Variants in PDZRN4 observed in about 807,000 individuals in gnomAD.
PDZRN4 encodes PDZ domain-containing RING finger protein 4.
A neutral mutation model predicts 99.0 loss-of-function variants in PDZRN4; 70 were observed. The ratio of observed to expected loss-of-function variants is 0.71; its 90% CI spans 0.58 to 0.86. The LOEUF (loss-of-function observed/expected upper bound fraction) is 0.86, where lower values mean the gene tolerates loss of function less well. Among genes scored for constraint, PDZRN4 ranks in the 40% least tolerant of loss-of-function variants. The pLI is 0.00. For missense variants in PDZRN4, 1,474 were observed against 1,331.2 expected, an observed-to-expected ratio of 1.11 and a Z score of -1.67; for synonymous variants, 551 against 501.6, an observed-to-expected ratio of 1.10 and a Z score of -1.32.
At chr12:41,352,436 A>T (rs1424374594) in intron 3 of PDZRN4, among the ~76,000 whole-genome samples, 1 of 152,234 alleles carries the variant, frequency 6.6e-6, no homozygotes, top group Non-Finnish European at 1.5e-5. Flanking sequence ...TCTACTCAGG[A>T]TAAGATACCT....
intron 5 of PDZRN4, among the ~76,000 whole-genome samples, chr12:41,534,714 C>T (rs999856642): frequency 2.0e-5 from 3 of 152,018 alleles, no homozygotes; most frequent in African/African-American, 7.2e-5. Context: ...AAGATCTTTT[C>T]CCTAGGTATA....
intron 3 of PDZRN4, among the ~76,000 whole-genome samples, chr12:41,243,996 G>A (rs1393266457): frequency 2.0e-5 from 3 of 152,138 alleles, no homozygotes; most frequent in Non-Finnish European, 1.5e-5. Context: ...CCAGATCCAA[G>A]GCTGGAGGAG....
At chr12:41,552,116 A>G (rs1057446683) in intron 5 of PDZRN4, among the ~76,000 whole-genome samples, 7 of 152,236 alleles carry the variant, frequency 4.6e-5, no homozygotes, top group Non-Finnish European at 7.3e-5. Context: ...CTACAAAATA[A>G]TAGAAAACCT....
chr12:41,198,618 G>A (rs1014303450), intron 3 of PDZRN4, among the ~76,000 whole-genome samples: 91 of 127,094 alleles, frequency 7.2e-4, no homozygotes, highest in Admixed American at 2.9e-3. Context: ...TGTGGGGTGG[G>A]GGGAGGGGGG....
intron 3 of PDZRN4, among the ~76,000 whole-genome samples, chr12:41,316,174 T>C (rs2120961579): frequency 6.6e-6 from 1 of 152,262 alleles, no homozygotes. Flanking sequence ...CTGATATTCG[T>C]ACCTAGTGAT....
chr12:41,460,133 TG>T, intron 3 of PDZRN4: 1 of 1,182,730 alleles, frequency 8.5e-7, no homozygotes, highest in South Asian at 1.4e-5. Context: ...GCCTACCACA[TG>T]TTTTTACTGT....
chr12:41,378,117 A>G (rs1952094999), intron 3 of PDZRN4, among the ~76,000 whole-genome samples: 1 of 152,156 alleles, frequency 6.6e-6, no homozygotes, highest in South Asian at 2.1e-4. Flanking sequence ...TGGACTTATC[A>G]TCTATGACCA....
At chr12:41,201,092 T>C (rs1410270828) in intron 3 of PDZRN4, among the ~76,000 whole-genome samples, 1 of 152,040 alleles carries the variant, frequency 6.6e-6, no homozygotes, top group Non-Finnish European at 1.5e-5. Context: ...GCATTATATT[T>C]TCAATTGGTT....
In PDZRN4 at chr12:41,563,604, T is replaced by A; in HGVS notation, c.1422T>A (p.Asp474Glu). Residue 474 changes from aspartate (D) to glutamate (E), a missense_variant, in exon 8 of 10, where the codon GAT becomes GAA. Coordinates refer to ENST00000402685, the MANE Select transcript of PDZRN4 (RefSeq NM_001164595.2). ...AAGCAGTGGCCTTGCTGTCTAACGA[T>A]GAGTGTAAGAGAATCGTGCTGCTTG... ...REEAVALLSN[D>E]ECKRIVLLVA... is the part of the protein sequence containing the mutation. 6.2e-7 allele frequency: 1 copy of A among 1,613,614 alleles called. No homozygotes were observed. The highest frequency in any genetic ancestry group is 8.5e-7 in the Non-Finnish European group (1 of 1,179,650).
chr12:41,358,485 AT>A (rs1184452780), intron 3 of PDZRN4, among the ~76,000 whole-genome samples: 1 of 151,950 alleles, frequency 6.6e-6, no homozygotes, highest in African/African-American at 2.4e-5. Flanking sequence ...TTACTTTCAT[AT>A]CTACTCACTT....
At chr12:41,505,742 A>T (rs1401681178) in intron 3 of PDZRN4, among the ~76,000 whole-genome samples, 1 of 150,122 alleles carries the variant, frequency 6.7e-6, no homozygotes, top group Non-Finnish European at 1.5e-5. Flanking sequence ...AGAAATTAAA[A>T]CAAGTGAGTA....
intron 3 of PDZRN4, among the ~76,000 whole-genome samples, chr12:41,331,845 C>T (rs771707813): frequency 6.6e-6 from 1 of 152,078 alleles, no homozygotes; most frequent in Non-Finnish European, 1.5e-5. Context: ...TACCTCCCAT[C>T]CAGTCCCTCC....
At chr12:41,241,544 G>C (rs1951101871) in intron 3 of PDZRN4, among the ~76,000 whole-genome samples, 1 of 151,438 alleles carries the variant, frequency 6.6e-6, no homozygotes, top group Non-Finnish European at 1.5e-5. Context: ...TATCTCCTCT[G>C]AATCTCAGTT....
At chr12:41,352,778 T>G (rs1294786374) in intron 3 of PDZRN4, among the ~76,000 whole-genome samples, 1 of 152,132 alleles carries the variant, frequency 6.6e-6, no homozygotes, top group African/African-American at 2.4e-5. Context: ...TCCCCAAAGA[T>G]ATAATGATAG....
At chr12:41,274,256 C>A (rs1348758185) in intron 3 of PDZRN4, among the ~76,000 whole-genome samples, 1 of 151,954 alleles carries the variant, frequency 6.6e-6, no homozygotes, top group African/African-American at 2.4e-5. Context: ...TTATTAATAA[C>A]CACTCTGTGT....
chr12:41,334,398 A>G (rs1054439822), intron 3 of PDZRN4, among the ~76,000 whole-genome samples: 3 of 151,802 alleles, frequency 2.0e-5, no homozygotes, highest in Non-Finnish European at 2.9e-5. Flanking sequence ...TTAAAAAAAA[A>G]AAAAAAAGAA....
intron 3 of PDZRN4, among the ~76,000 whole-genome samples, chr12:41,453,207 G>C (rs990530608): frequency 1.3e-5 from 2 of 152,084 alleles, no homozygotes; most frequent in African/African-American, 4.8e-5. Context: ...CCCGCCCCTG[G>C]GGGAGTGAAT....
intron 3 of PDZRN4, among the ~76,000 whole-genome samples, chr12:41,281,088 C>T (rs1312112997): frequency 6.8e-6 from 1 of 147,732 alleles, no homozygotes; most frequent in African/African-American, 2.4e-5. Flanking sequence ...TGGAGTGGAC[C>T]CACAGCAAAC....
At position 41,188,570 on chromosome 12, in the gene PDZRN4, G is replaced by T. The variant is rs1591959855; in HGVS notation, c.115G>T (p.Ala39Ser). The change falls in exon 1 of 10, where the codon GCC (alanine) becomes TCC (serine). Residue 39 changes from alanine (A) to serine (S), a missense_variant. Physicochemically the swap from Ala to Ser is moderately conservative, Grantham distance 99 (BLOSUM62 1). Transcript: ENST00000402685. ...CACGCCGTGCGGGCACGTCTTCTGC[G>T]CCAGCTGCCTGTTGCCCTGGGCGGT... ...LCTPCGHVFC[A>S]SCLLPWAVRR... is the part of the protein sequence containing the mutation. The T allele has an allele frequency of 6.5e-6, 10 of 1,548,256 alleles. No individual in the cohort carries two copies. The highest frequency in any genetic ancestry group is 1.2e-5 in the South Asian group (1 of 84,968).
Sources: allele counts gnomAD v4.1 joint callset (sites outside exome capture counted in the v4.1 genomes callset), GRCh38; gene constraint gnomAD v4.1.1; transcripts MANE v1.5; gene names NCBI Gene and HGNC (gene_info 2026-07-23, HGNC 2026-07-21).